CDC42BPB: variants seen among roughly 807,000 people sequenced by gnomAD.
CDC42BPB encodes CDC42 binding protein kinase beta.
Under a neutral mutation model 214.9 loss-of-function variants are expected in CDC42BPB, and 37 were observed. That is an observed-to-expected ratio of 0.17 (90% CI 0.13 to 0.23). The LOEUF is 0.23. Among genes scored for constraint, CDC42BPB ranks in the 10% least tolerant of loss-of-function variants. The probability of loss-of-function intolerance (pLI) is 1.00; values close to 1 mark genes in which losing one functional copy is unlikely to be tolerated. For missense variants in CDC42BPB, 1,694 were observed against 2,227.0 expected, an observed-to-expected ratio of 0.76 and a Z score of 4.82; for synonymous variants, 931 against 884.0, an observed-to-expected ratio of 1.05 and a Z score of -0.94.
At chr14:102,958,256 T>C (rs1397068153) in intron 21 of CDC42BPB, among the ~76,000 whole-genome samples, 1 of 152,074 alleles carries the variant, frequency 6.6e-6, no homozygotes, top group Non-Finnish European at 1.5e-5. Flanking sequence ...GCCCCAATCG[T>C]AGGAAATAAC....
chr14:102,938,003 C>A, intron 36 of CDC42BPB, 101 bp downstream of exon 36: 1 of 1,294,064 alleles, frequency 7.7e-7, no homozygotes. Context: ...TGGGGTGCTC[C>A]AAAAGGGCTG....
intron 1 of CDC42BPB, among the ~76,000 whole-genome samples, chr14:103,015,495 G>A (rs956119537): frequency 2.0e-5 from 3 of 152,088 alleles, no homozygotes; most frequent in African/African-American, 7.2e-5. Flanking sequence ...TTCAAAAACA[G>A]AAACAATAAA....
Position 103,004,133 on chromosome 14 carries a change from T to C in CDC42BPB, c.352-110A>G, listed in dbSNP as rs1203748959. 1 of 1,414,598 alleles carries C rather than the reference T, an allele frequency of 7.1e-7. No individual in the cohort carries two copies. 87.6% of individuals were successfully genotyped at this position (1,414,598 alleles called of 1,614,324 possible). On this transcript the variant is annotated intron_variant, in intron 3 of 36. Coordinates refer to ENST00000361246, the MANE Select transcript of CDC42BPB (RefSeq NM_006035.4). This position sits in a 1 kb window ranked among gnomAD's most constrained non-coding sequence, Gnocchi z 5.3. Reference sequence around the variant, plus strand: ...ACAGTGGCTCCAGCCACGGTGTCCCTGCCTTCCGGGCTCCTCCTCGTGCAC... The same window carrying C: ...ACAGTGGCTCCAGCCACGGTGTCCCCGCCTTCCGGGCTCCTCCTCGTGCAC...
At chr14:102,955,696 T>C (rs1892678110) in intron 21 of CDC42BPB, among the ~76,000 whole-genome samples, 1 of 152,226 alleles carries the variant, frequency 6.6e-6, no homozygotes, top group Admixed American at 6.5e-5. Context: ...TAGTTTATCA[T>C]CACAGGCCAC....
chr14:103,037,441 G>C (rs1283538447), intron 1 of CDC42BPB, among the ~76,000 whole-genome samples: 1 of 152,086 alleles, frequency 6.6e-6, no homozygotes, highest in Admixed American at 6.6e-5. Context: ...TTACAGGTGT[G>C]CACCACCATG....
intron 36 of CDC42BPB, chr14:102,936,898 T>C (rs765426534): frequency 6.6e-6 from 1 of 152,248 alleles, no homozygotes; most frequent in Non-Finnish European, 1.5e-5. Context: ...TTGGGCCCGG[T>C]GTGCTGGCTC....
chr14:103,025,425 T>A (rs754071481), intron 1 of CDC42BPB, among the ~76,000 whole-genome samples: 2 of 150,334 alleles, frequency 1.3e-5, no homozygotes, highest in Non-Finnish European at 2.9e-5. Flanking sequence ...CTCATAATTA[T>A]CAAAAACTGT....
rs987939730 is a variant in CDC42BPB at position 103,057,471 on chromosome 14, G to T, written c.-298C>A. 33 of 240,678 alleles carry T rather than the reference G, an allele frequency of 1.4e-4. No individual in the cohort carries two copies. Among genetic ancestry groups the T allele is most frequent in the African/African-American group, 7.6e-4 (32 of 42,188 alleles). The allele number at this position is 240,678 out of a possible 1,614,324, so 14.9% of individuals were successfully genotyped here. ...CGCCCTCAGCCCCGCCCGCGGCCGCGCCCTCCCCGCCGCCGCCGCCGCAGA... is the reference window on the plus strand; with the variant it reads ...CGCCCTCAGCCCCGCCCGCGGCCGCTCCCTCCCCGCCGCCGCCGCCGCAGA... On this transcript the variant is annotated 5_prime_UTR_variant, in exon 1 of 37. Transcript: ENST00000361246.
rs1889050201 is a variant in CDC42BPB, at chr14:103,057,420, T to TCCCAGCTCGGGCGGCCCGCCCC, written c.-269_-248dup. On this transcript the variant is annotated 5_prime_UTR_variant, in exon 1 of 37. Transcript: ENST00000361246. ...TCTCCTCCCCTCGGCGCCGCCGCCC[T>TCCCAGCTCGGGCGGCCCGCCCC]CCCAGCTCGGGCGGCCCGCCCCCGC... 1 of 677,992 alleles carries TCCCAGCTCGGGCGGCCCGCCCC rather than the reference T, an allele frequency of 1.5e-6. No homozygotes were observed. Among genetic ancestry groups the TCCCAGCTCGGGCGGCCCGCCCC allele is most frequent in the African/African-American group, 2.0e-5 (1 of 49,872 alleles). 42.0% of individuals were successfully genotyped at this position (677,992 alleles called of 1,614,324 possible).
chr14:103,028,808 A>G (rs1887190260), intron 1 of CDC42BPB, among the ~76,000 whole-genome samples: 1 of 152,226 alleles, frequency 6.6e-6, no homozygotes, highest in African/African-American at 2.4e-5. Flanking sequence ...TTTGTATTTT[A>G]TCTTTTATTA....
At chr14:103,051,154 C>CGGGGGGGGG (rs1179516926) in intron 1 of CDC42BPB, among the ~76,000 whole-genome samples, 2 of 6,836 alleles carry the variant, frequency 2.9e-4, no homozygotes, top group Admixed American at 1.8e-3. Flanking sequence ...GTATTTGGGG[C>CGGGGGGGGG]GGGGGGGCGG....
At chr14:103,048,288 A>G (rs1888407336) in intron 1 of CDC42BPB, among the ~76,000 whole-genome samples, 1 of 152,044 alleles carries the variant, frequency 6.6e-6, no homozygotes, top group Admixed American at 6.6e-5. Flanking sequence ...TCACTCCTGT[A>G]ATCCTAGCAC....
chr14:102,988,000 C>T (rs1022340219), intron 5 of CDC42BPB, among the ~76,000 whole-genome samples: 1 of 152,054 alleles, frequency 6.6e-6, no homozygotes, highest in Admixed American at 6.6e-5. Context: ...CGTACACACA[C>T]AAACACACAC....
chr14:102,936,279 A>C (rs1364536824), intron 36 of CDC42BPB, among the ~76,000 whole-genome samples: 1 of 152,238 alleles, frequency 6.6e-6, no homozygotes, highest in Non-Finnish European at 1.5e-5. Context: ...CAGGCACTCA[A>C]ACACATATGT....
In CDC42BPB at chr14:102,940,591, CTT is replaced by C. The variant is rs976992223; in HGVS notation, c.4409-269_4409-268del. ...ACTACAGTACAGATGTTGAAGGTGA[CTT>C]TTAAAAAGTCTGGTTTTTCATTTAG... On this transcript the variant is annotated intron_variant, in intron 30 of 36. Coordinates refer to ENST00000361246, the MANE Select transcript of CDC42BPB (RefSeq NM_006035.4). 6.8e-6 allele frequency: 6 copies of C among 888,026 alleles called. No homozygotes were observed. The Admixed American group carries it at 1.3e-4, about 19-fold the overall frequency. The allele number at this position is 888,026 out of a possible 1,614,324, so 55.0% of individuals were successfully genotyped here. A position where few individuals can be genotyped will look rare whatever the true frequency, so the allele number is the denominator to read the frequency against.
At chr14:103,053,524 G>A (rs1054517870) in intron 1 of CDC42BPB, among the ~76,000 whole-genome samples, 43 of 151,858 alleles carry the variant, frequency 2.8e-4, no homozygotes, top group African/African-American at 9.0e-4. Flanking sequence ...AACTTTGGGA[G>A]GCCAAGGGGG....
chr14:102,940,810 C>A, intron 30 of CDC42BPB: 1 of 218,692 alleles, frequency 4.6e-6, no homozygotes, highest in Non-Finnish European at 9.3e-6. Context: ...TGCCTGTCTG[C>A]CCTCCACACT....
At chr14:102,978,454 G>T in intron 8 of CDC42BPB, 1 of 411,166 alleles carries the variant, frequency 2.4e-6, no homozygotes, top group Non-Finnish European at 3.3e-6. Context: ...TGATGACAGT[G>T]GCACAGGCCG....
At chr14:103,015,833 C>T (rs1008123449) in intron 1 of CDC42BPB, among the ~76,000 whole-genome samples, 7 of 151,880 alleles carry the variant, frequency 4.6e-5, no homozygotes, top group African/African-American at 1.7e-4. Context: ...TTCAGCCTCC[C>T]GAGTAGCCGG....
Sources: gnomAD v4.1 joint callset for allele counts (sites outside exome capture counted in the v4.1 genomes callset) on GRCh38, gnomAD v4.1.1 for gene constraint, Gnocchi (gnomAD v3.1) non-coding constraint, MANE v1.5 for transcripts, NCBI Gene and HGNC (gene_info 2026-07-23, HGNC 2026-07-21) for gene names.